FGF21: variants seen among roughly 807,000 people sequenced by gnomAD.
The protein encoded by FGF21 is fibroblast growth factor 21.
Under a neutral mutation model 13.4 loss-of-function variants are expected in FGF21, and 13 were observed. The observed-to-expected ratio is 0.97, with a 90% confidence interval of 0.63 to 1.54. FGF21 has a LOEUF of 1.54. Ranked by LOEUF, FGF21 falls within the 40% of genes most tolerant of loss-of-function variation. The probability of loss-of-function intolerance (pLI) is 0.00; values close to 1 mark genes in which losing one functional copy is unlikely to be tolerated. For missense variants in FGF21, 303 were observed against 272.4 expected (o/e 1.11, Z -0.79); for synonymous variants, 124 against 123.6 (o/e 1.00, Z -0.02).
chr19:48,757,079 C>A, intron 3 of FGF21, 50 bp downstream of exon 3: 5 of 1,427,008 alleles, frequency 3.5e-6, no homozygotes, highest in Non-Finnish European at 4.9e-6. Flanking sequence ...TCCTATATGT[C>A]GCCCTCACAG....
At position 48,756,154 on chromosome 19, in the gene FGF21, C is replaced by G; in HGVS notation, c.-83C>G. On this transcript the variant is annotated 5_prime_UTR_variant, in exon 2 of 4. Coordinates refer to ENST00000593756, the MANE Select transcript of FGF21 (RefSeq NM_019113.4). ...GGCCACCTGAGTCTACTCACCTGGA[C>G]AACTGGAATCTGGCACCAATTCTAA... is the stretch of plus-strand genomic sequence containing the variant. 1 of 1,228,052 alleles carries G rather than the reference C, an allele frequency of 8.1e-7. No individual in the cohort carries two copies. The highest frequency in any genetic ancestry group is 2.1e-5 in the Admixed American group (1 of 48,354). 76.1% of individuals were successfully genotyped at this position (1,228,052 alleles called of 1,614,324 possible). A position where few individuals can be genotyped will look rare whatever the true frequency, so the allele number is the denominator to read the frequency against.
At position 48,756,266 on chromosome 19, in the gene FGF21, C is replaced by T. The variant is rs1368243250; in HGVS notation, c.30C>T (p.His10=). The T allele has an allele frequency of 3.1e-6, 5 of 1,614,004 alleles. No homozygotes were observed. In the African/African-American group the frequency reaches 6.7e-5, roughly 22 times the overall value. The part of the protein sequence containing the change: MDSDETGFE[H]SGLWVSVLAG... ...ACTCGGACGAGACCGGGTTCGAGCA[C>T]TCAGGACTGTGGGTTTCTGTGCTGG... The change falls in exon 2 of 4, where the codon CAC becomes CAT. Residue 10 remains histidine (H), a synonymous_variant. Transcript: ENST00000593756.
At chr19:48,757,597 G>T (rs922551597) in intron 3 of FGF21, among the ~76,000 whole-genome samples, 2 of 128,324 alleles carry the variant, frequency 1.6e-5, no homozygotes, top group African/African-American at 5.9e-5. Flanking sequence ...TGAGGGAGGA[G>T]GGGCTGGGGG....
chr19:48,757,812 G>A (rs1454797718), intron 3 of FGF21, 118 bp from the exon 4 acceptor site: 8 of 932,912 alleles, frequency 8.6e-6, no homozygotes, highest in Non-Finnish European at 9.6e-6. Flanking sequence ...GTCTGAGGGA[G>A]GAGGCGCTGG....
rs2034095423 is a variant in FGF21 at position 48,756,442 on chromosome 19, T to TG, written c.212dup (p.Ala72ArgfsTer3). 2 of 1,613,142 alleles carry TG rather than the reference T, an allele frequency of 1.2e-6. No individual in the cohort carries two copies. Among genetic ancestry groups the TG allele is most frequent in the East Asian group, 2.2e-5 (1 of 44,866 alleles). The stretch of plus-strand genomic sequence containing the variant: ...CTGGAGATCAGGGAGGATGGGACGG[T>TG]GGGGGGCGCTGCTGACCAGAGCCCC... On this transcript the variant is annotated frameshift_variant, in exon 2 of 4. Transcript: ENST00000593756. LOFTEE classifies it high-confidence loss of function.
chr19:48,757,544 T>G (rs1466895465), intron 3 of FGF21, among the ~76,000 whole-genome samples: 1 of 152,044 alleles, frequency 6.6e-6, no homozygotes, highest in Middle Eastern at 3.2e-3. Context: ...GCCTTGCTGT[T>G]TTGTTTCCTA....
Position 48,756,136 on chromosome 19 carries a change from T to C in FGF21, c.-101T>C, listed in dbSNP as rs961157267. On this transcript the variant is annotated 5_prime_UTR_variant, in exon 2 of 4. Coordinates refer to ENST00000593756, the MANE Select transcript of FGF21 (RefSeq NM_019113.4). ...AGAGGAGCCAGGCACTCAGGCCACC[T>C]GAGTCTACTCACCTGGACAACTGGA... 2.0e-6 allele frequency: 2 copies of C among 980,490 alleles called. No individual in the cohort carries two copies. Among genetic ancestry groups the C allele is most frequent in the East Asian group, 5.2e-5 (2 of 38,220 alleles). The allele number at this position is 980,490 out of a possible 1,614,324, so 60.7% of individuals were successfully genotyped here. A position where few individuals can be genotyped will look rare whatever the true frequency, so the allele number is the denominator to read the frequency against.
At position 48,756,272 on chromosome 19, in the gene FGF21, A is replaced by T. The variant is rs838133; in HGVS notation, c.36A>T (p.Gly12=). 6.2e-7 allele frequency: 1 copy of T among 1,613,426 alleles called. No homozygotes were observed. The highest frequency in any genetic ancestry group is 1.3e-5 in the African/African-American group (1 of 74,822). Residue 12 remains glycine, a synonymous_variant, in exon 2 of 4, where the codon GGA becomes GGT. Coordinates refer to ENST00000593756, the MANE Select transcript of FGF21 (RefSeq NM_019113.4). ...ACGAGACCGGGTTCGAGCACTCAGG[A>T]CTGTGGGTTTCTGTGCTGGCTGGTC... The part of the protein sequence containing the change: ...DSDETGFEHS[G]LWVSVLAGLL...
In FGF21 at chr19:48,758,082, C is replaced by G; in HGVS notation, c.492C>G (p.Phe164Leu). The G allele has an allele frequency of 6.2e-7, 1 of 1,612,474 alleles. No individual in the cohort carries two copies. The highest frequency in any genetic ancestry group is 8.5e-7 in the Non-Finnish European group (1 of 1,179,524). The stretch of plus-strand genomic sequence containing the variant: ...CTGCACCCCGAGGACCAGCTCGCTT[C>G]CTGCCACTACCAGGCCTGCCCCCCG... ...RDPAPRGPAR[F>L]LPLPGLPPAL... The change falls in exon 4 of 4, where the codon TTC (phenylalanine) becomes TTG (leucine). Residue 164 changes from phenylalanine (F) to leucine (L), a missense_variant. By Grantham distance (22) the Phe-to-Leu change is conservative (BLOSUM62 0). Coordinates refer to ENST00000593756, the MANE Select transcript of FGF21 (RefSeq NM_019113.4).
In FGF21 at chr19:48,758,246, C is replaced by A. The variant is rs942218540; in HGVS notation, c.*26C>A. On this transcript the variant is annotated 3_prime_UTR_variant, in exon 4 of 4. Coordinates refer to ENST00000593756, the MANE Select transcript of FGF21 (RefSeq NM_019113.4). Reference sequence around the variant, plus strand: ...AGCCAGAGGCTGTTTACTATGACATCTCCTCTTTATTTATTAGGTTATTTA... The same window carrying A: ...AGCCAGAGGCTGTTTACTATGACATATCCTCTTTATTTATTAGGTTATTTA... 3 of 1,561,410 alleles carry A rather than the reference C, an allele frequency of 1.9e-6. No homozygotes were observed. In the Admixed American group the frequency reaches 6.5e-5, roughly 34 times the overall value.
intron 3 of FGF21, 149 bp downstream of exon 3, chr19:48,757,178 G>T: frequency 1.5e-6 from 1 of 649,560 alleles, no homozygotes. Context: ...TTTGGAGGTT[G>T]AAGTTGTCAT....
At position 48,756,996 on chromosome 19, in the gene FGF21, GTGCCAGC is replaced by G. The variant is rs867982350; in HGVS notation, c.307_313del (p.Cys103GlyfsTer90). On this transcript the variant is annotated frameshift_variant, in exon 3 of 4. Transcript: ENST00000593756. LOFTEE classifies it low-confidence loss of function (END_TRUNC). Reference sequence around the variant, plus strand: ...TGGGAGTCAAGACATCCAGGTTCCTGTGCCAGCGGCCAGATGGGGCCCTGTATGGATC... The same window carrying G: ...TGGGAGTCAAGACATCCAGGTTCCTGGGCCAGATGGGGCCCTGTATGGATC... The G allele has an allele frequency of 1.2e-6, 2 of 1,614,114 alleles. No homozygotes were observed. The highest frequency in any genetic ancestry group is 2.7e-5 in the African/African-American group (2 of 75,034).
chr19:48,756,968 T>C lies in FGF21; in HGVS notation c.278T>C (p.Ile93Thr). ...LKALKPGVIQ[I>T]LGVKTSRFLC... ...GCCTTGAAGCCGGGAGTTATTCAAATCTTGGGAGTCAAGACATCCAGGTTC... is the reference window on the plus strand; with the variant it reads ...GCCTTGAAGCCGGGAGTTATTCAAACCTTGGGAGTCAAGACATCCAGGTTC... Residue 93 changes from isoleucine to threonine, a missense_variant, in exon 3 of 4, where the codon ATC becomes ACC. Transcript: ENST00000593756. The C allele has an allele frequency of 6.2e-7, 1 of 1,614,046 alleles. No individual in the cohort carries two copies. The highest frequency in any genetic ancestry group is 8.5e-7 in the Non-Finnish European group (1 of 1,179,966).
At position 48,756,016 on chromosome 19, in the gene FGF21, G is replaced by A. The variant is rs949474810; in HGVS notation, c.-221G>A. On this transcript the variant is annotated 5_prime_UTR_variant, in exon 2 of 4. Coordinates refer to ENST00000593756, the MANE Select transcript of FGF21 (RefSeq NM_019113.4). ...AAATATCATGGTTCAGGCGCAGGGA[G>A]GGTGATTGGGCGGGCCTGTCTGGGT... 1.8e-6 allele frequency: 1 copy of A among 566,574 alleles called. No homozygotes were observed. The highest frequency in any genetic ancestry group is 3.1e-6 in the Non-Finnish European group (1 of 317,536). 35.1% of individuals were successfully genotyped at this position (566,574 alleles called of 1,614,324 possible). A position where few individuals can be genotyped will look rare whatever the true frequency, so the allele number is the denominator to read the frequency against.
At chr19:48,756,592 TCTGGACTC>T (rs2034101439) in intron 2 of FGF21, 121 bp downstream of exon 2, 4 of 229,344 alleles carry the variant, frequency 1.7e-5, no homozygotes, top group East Asian at 1.2e-3. Context: ...GGGCTGGGGA[TCTGGACTC>T]CTGGGTCTGA....
intron 3 of FGF21, 46 bp downstream of exon 3, chr19:48,757,075 A>C: frequency 6.9e-7 from 1 of 1,455,670 alleles, no homozygotes; most frequent in Non-Finnish European, 9.6e-7. Flanking sequence ...CTCCTCCTAT[A>C]TGTCGCCCTC....
At chr19:48,757,095 G>C (rs2034117622) in intron 3 of FGF21, 66 bp downstream of exon 3, 2 of 1,287,520 alleles carry the variant, frequency 1.6e-6, no homozygotes, top group Non-Finnish European at 2.2e-6. Flanking sequence ...CACAGCCTGG[G>C]GTGCCTTGTC....
chr19:48,756,448 G>A lies in FGF21; in HGVS notation c.212G>A (p.Gly71Asp), dbSNP rs756202748. 12 of 1,613,244 alleles carry A rather than the reference G, an allele frequency of 7.4e-6. No homozygotes were observed. The highest frequency in any genetic ancestry group is 2.7e-5 in the African/African-American group (2 of 75,036). ...ATCAGGGAGGATGGGACGGTGGGGG[G>A]CGCTGCTGACCAGAGCCCCGAAAGT... Reference protein sequence around the residue: ...LEIREDGTVGGAADQSPESLL... With the variant: ...LEIREDGTVGDAADQSPESLL... The change falls in exon 2 of 4, where the codon GGC becomes GAC. Residue 71 changes from glycine to aspartate, a missense_variant. Transcript: ENST00000593756.
intron 3 of FGF21, 27 bp from the exon 4 acceptor site, chr19:48,757,903 G>A (rs372526606): frequency 8.6e-6 from 13 of 1,519,718 alleles, no homozygotes; most frequent in Non-Finnish European, 1.1e-5. Flanking sequence ...GAGGAACCCT[G>A]TCTCTGATCC....
Sources: allele counts gnomAD v4.1 joint callset (sites outside exome capture counted in the v4.1 genomes callset), GRCh38; gene constraint gnomAD v4.1.1; transcripts MANE v1.5; gene names NCBI Gene and HGNC (gene_info 2026-07-23, HGNC 2026-07-21).